Variants in NOTCH2NLA observed in about 807,000 individuals in gnomAD.
The protein encoded by NOTCH2NLA is notch homolog 2 N-terminal-like protein A.
At chr1:146,223,901 C>T (rs1434410288) in intron 1 of NOTCH2NLA, among the ~76,000 whole-genome samples, 1 of 129,596 alleles carries the variant, frequency 7.7e-6, no homozygotes, top group African/African-American at 2.9e-5. Flanking sequence ...GTGACTAAGA[C>T]CTGCCGCTCA....
intron 1 of NOTCH2NLA, among the ~76,000 whole-genome samples, chr1:146,195,045 C>A (rs112935995): frequency 9.3e-6 from 1 of 107,506 alleles, no homozygotes; most frequent in East Asian, 3.5e-4. Context: ...ACAGGGCCAC[C>A]CCCCCCCATC....
At chr1:146,154,003 CCATACA>C (rs1203834085), downstream of NOTCH2NLA, 42 of 73,428 alleles carry the variant, frequency 5.7e-4, no homozygotes, top group South Asian at 0.011. Flanking sequence ...CTGCACAACG[CCATACA>C]CACACACACA....
intron 3 of NOTCH2NLA, among the ~76,000 whole-genome samples, chr1:146,162,522 C>G (rs1319632000): frequency 9.9e-6 from 1 of 100,924 alleles, no homozygotes; most frequent in Admixed American, 1.0e-4. Flanking sequence ...CAGATCCACC[C>G]TTAATCTGGA....
chr1:146,150,292 A>T (rs2102252783), intron 4 of NOTCH2NLA, among the ~76,000 whole-genome samples: 1 of 122,588 alleles, frequency 8.2e-6, no homozygotes, highest in South Asian at 2.9e-4. Context: ...AAGCCAAATC[A>T]GTTCTCCTCC....
chr1:146,185,924 C>T lies in NOTCH2NLA; in HGVS notation c.38+3376G>A, dbSNP rs868946075. Among the ~76,000 whole-genome samples, 65 of 135,594 alleles carry T rather than the reference C, an allele frequency of 4.8e-4. 1 individual carries two copies. The highest frequency in any genetic ancestry group is 1.6e-3 in the African/African-American group (63 of 40,116). 89.0% of individuals were successfully genotyped at this position (135,594 alleles called of 152,430 possible). A position where few individuals can be genotyped will look rare whatever the true frequency, so the allele number is the denominator to read the frequency against. On this transcript the variant is annotated intron_variant, in intron 2 of 4. Coordinates refer to ENST00000362074, the Ensembl canonical transcript of NOTCH2NLA. Reference sequence around the variant, plus strand: ...ATATTTACTGAACAAGCTAGATCATCTTCTTTCTCCACAGAAAAAAAGGTA... The same window carrying T: ...ATATTTACTGAACAAGCTAGATCATTTTCTTTCTCCACAGAAAAAAAGGTA...
intron 2 of NOTCH2NLA, among the ~76,000 whole-genome samples, chr1:146,180,228 A>C (rs1205980721): frequency 1.4e-5 from 2 of 142,906 alleles, no homozygotes; most frequent in African/African-American, 4.9e-5. Flanking sequence ...CATAAATCCT[A>C]ATCAGATTAT....
At chr1:146,219,575 TA>T (rs1664008204) in intron 1 of NOTCH2NLA, among the ~76,000 whole-genome samples, 2 of 102,316 alleles carry the variant, frequency 2.0e-5, no homozygotes, top group Admixed American at 2.1e-4. Context: ...ATTAAATGAG[TA>T]AAAGACACAA....
At chr1:146,174,605 G>C (rs1299655467) in intron 2 of NOTCH2NLA, among the ~76,000 whole-genome samples, 1 of 141,234 alleles carries the variant, frequency 7.1e-6, no homozygotes, top group African/African-American at 2.5e-5. Context: ...GGGTTGCGTC[G>C]GCACTGCAGC....
chr1:146,223,979 AGAC>A (rs1553819058), intron 1 of NOTCH2NLA, among the ~76,000 whole-genome samples: 1 of 141,978 alleles, frequency 7.0e-6, no homozygotes, highest in Non-Finnish European at 1.6e-5. Context: ...TGTGTAGCAC[AGAC>A]CTGGCCCTCA....
exon 1 of NOTCH2NLA, chr1:146,228,828 G>A: frequency 1.3e-6 from 2 of 1,523,544 alleles, no homozygotes; most frequent in Non-Finnish European, 1.7e-6. Context: ...CGCCTGGGCA[G>A]ATCCACATGG....
intron 3 of NOTCH2NLA, among the ~76,000 whole-genome samples, chr1:146,162,375 CAAGGG>C (rs1661553560): frequency 6.7e-6 from 1 of 150,370 alleles, no homozygotes; most frequent in African/African-American, 2.5e-5. Flanking sequence ...TTCAAGTTGA[CAAGGG>C]GTAGATTTGT....
intron 3 of NOTCH2NLA, among the ~76,000 whole-genome samples, chr1:146,159,447 G>GAAAGAAAGAA (rs1437002440): frequency 1.3e-4 from 18 of 135,904 alleles, no homozygotes; most frequent in Non-Finnish European, 1.2e-4. Context: ...AAGAAAGAAA[G>GAAAGAAAGAA]AGAAAGAAAG....
intron 2 of NOTCH2NLA, among the ~76,000 whole-genome samples, chr1:146,174,459 A>C (rs868926141): frequency 1.3e-5 from 2 of 150,166 alleles, no homozygotes; most frequent in African/African-American, 4.9e-5. Flanking sequence ...AAACAACAAC[A>C]ACAACAACAA....
At chr1:146,173,064 T>C (rs1374599383) in intron 2 of NOTCH2NLA, among the ~76,000 whole-genome samples, 7 of 151,038 alleles carry the variant, frequency 4.6e-5, no homozygotes, top group Non-Finnish European at 8.8e-5. Flanking sequence ...AGCAGCATTA[T>C]GGACATGGGA....
At chr1:146,207,793 TAGAC>T (rs1157523711) in intron 1 of NOTCH2NLA, among the ~76,000 whole-genome samples, 10 of 100,868 alleles carry the variant, frequency 9.9e-5, no homozygotes, top group East Asian at 6.7e-4. Flanking sequence ...GCTTTGCAAT[TAGAC>T]AGGCCCAATA....
chr1:146,186,255 G>T (rs1407418114), intron 2 of NOTCH2NLA, among the ~76,000 whole-genome samples: 1 of 135,508 alleles, frequency 7.4e-6, no homozygotes, highest in Non-Finnish European at 1.7e-5. Context: ...CTCAAAACAG[G>T]AAAGACATCT....
At chr1:146,172,823 C>A (rs1252036924) in intron 2 of NOTCH2NLA, among the ~76,000 whole-genome samples, 1 of 145,142 alleles carries the variant, frequency 6.9e-6, no homozygotes, top group Non-Finnish European at 1.6e-5. Flanking sequence ...TGGGGAAGAC[C>A]CTGTCTTGAA....
intron 2 of NOTCH2NLA, among the ~76,000 whole-genome samples, chr1:146,187,143 C>T (rs1183607903): frequency 2.3e-5 from 3 of 129,042 alleles, no homozygotes; most frequent in African/African-American, 7.7e-5. Flanking sequence ...GTTTTCTGTT[C>T]CTGTGTTAGT....
At chr1:146,182,682 T>C (rs1315010017) in intron 2 of NOTCH2NLA, among the ~76,000 whole-genome samples, 1 of 131,260 alleles carries the variant, frequency 7.6e-6, no homozygotes, top group Non-Finnish European at 1.8e-5. Flanking sequence ...CCGTCTCTAC[T>C]AAAAATACAA....
Sources: gnomAD v4.1 joint callset for allele counts (sites outside exome capture counted in the v4.1 genomes callset) on GRCh38, gnomAD v4.1.1 for gene constraint, MANE v1.5 for transcripts, NCBI Gene and HGNC (gene_info 2026-07-23, HGNC 2026-07-21) for gene names.